Variants in MYO3A observed in about 807,000 individuals in gnomAD.
MYO3A encodes the protein myosin IIIA.
A neutral mutation model predicts 192.7 loss-of-function variants in MYO3A; 180 were observed. That is an observed-to-expected ratio of 0.93 (90% CI 0.83 to 1.06). The LOEUF (loss-of-function observed/expected upper bound fraction) is 1.06, where lower values mean the gene tolerates loss of function less well. Among genes scored for constraint, MYO3A ranks in the 50% least tolerant of loss-of-function variants. The pLI, the probability that MYO3A is intolerant of heterozygous loss-of-function variation, is 0.00. For synonymous variants in MYO3A, 628 were observed against 645.3 expected (o/e 0.97, Z 0.41); for missense variants, 1,896 against 1,905.0 (o/e 1.00, Z 0.09).
At chr10:26,133,159 G>A (rs1589012760) in intron 20 of MYO3A, among the ~76,000 whole-genome samples, 1 of 152,176 alleles carries the variant, frequency 6.6e-6, no homozygotes, top group Non-Finnish European at 1.5e-5. Context: ...TCATATGTGT[G>A]CAAATGGTAA....
chr10:26,075,804 A>G (rs1243894257), intron 14 of MYO3A, among the ~76,000 whole-genome samples: 1 of 148,494 alleles, frequency 6.7e-6, no homozygotes, highest in Non-Finnish European at 1.5e-5. Flanking sequence ...TCTCATATAT[A>G]TGATATATAT....
chr10:26,161,679 A>G (rs1054870776), intron 26 of MYO3A, among the ~76,000 whole-genome samples: 1 of 152,198 alleles, frequency 6.6e-6, no homozygotes, highest in East Asian at 1.9e-4. Context: ...TCTACATTAT[A>G]TATGTGTTTA....
chr10:26,171,603 T>C (rs1842049983), intron 29 of MYO3A, among the ~76,000 whole-genome samples: 1 of 152,208 alleles, frequency 6.6e-6, no homozygotes, highest in South Asian at 2.1e-4. Context: ...TTTTGTGTAT[T>C]CTGAGACCTA....
intron 20 of MYO3A, among the ~76,000 whole-genome samples, chr10:26,143,208 G>A (rs1183129161): frequency 3.3e-5 from 5 of 152,074 alleles, no homozygotes; most frequent in Admixed American, 2.0e-4. Context: ...GTGTGTGCCT[G>A]TAATCCCAGC....
At chr10:26,161,128 G>T (rs1378001461) in intron 26 of MYO3A, among the ~76,000 whole-genome samples, 1 of 152,058 alleles carries the variant, frequency 6.6e-6, no homozygotes, top group African/African-American at 2.4e-5. Context: ...GAAATAAAAG[G>T]CTAAACCTTT....
chr10:25,999,208 A>G (rs1462408943), intron 6 of MYO3A, among the ~76,000 whole-genome samples: 3 of 152,118 alleles, frequency 2.0e-5, no homozygotes, highest in Non-Finnish European at 4.4e-5. Flanking sequence ...TTTATATGAT[A>G]TCTTTTTAAA....
At chr10:26,007,089 A>G (rs1841274688) in intron 6 of MYO3A, among the ~76,000 whole-genome samples, 1 of 148,364 alleles carries the variant, frequency 6.7e-6, no homozygotes, top group African/African-American at 2.6e-5. Context: ...ACGCAAATCA[A>G]TAAACGTAAT....
chr10:26,112,948 G>A (rs1049957197), intron 17 of MYO3A, among the ~76,000 whole-genome samples: 2 of 151,920 alleles, frequency 1.3e-5, no homozygotes, highest in East Asian at 1.9e-4. Context: ...ATTTTCGGGG[G>A]GTTTTTTGCA....
chr10:26,173,749 C>T lies in MYO3A; in HGVS notation c.3485C>T (p.Ser1162Phe). ...GCTCCAAATAATAAAGGAAGTGTAT[C>T]TGTAGTGAAGACTTCCACTTTCAAA... is the stretch of plus-strand genomic sequence containing the variant. The part of the protein sequence containing the change: ...ISAPNNKGSV[S>F]VVKTSTFKPE... The change falls in exon 30 of 35, where the codon TCT (serine) becomes TTT (phenylalanine). Residue 1162 changes from serine (S) to phenylalanine (F), a missense_variant. Ser to Phe is a radical substitution (Grantham distance 155). Coordinates refer to ENST00000642920, the MANE Select transcript of MYO3A (RefSeq NM_017433.5). 7.4e-6 allele frequency: 12 copies of T among 1,613,668 alleles called. No individual in the cohort carries two copies. Among genetic ancestry groups the T allele is most frequent in the Non-Finnish European group, 1.0e-5 (12 of 1,179,598 alleles).
intron 31 of MYO3A, among the ~76,000 whole-genome samples, chr10:26,185,685 CT>C (rs1344804181): frequency 1.3e-5 from 2 of 151,854 alleles, no homozygotes; most frequent in African/African-American, 2.4e-5. Context: ...TTCTTTTTCT[CT>C]TTTTTTTCTG....
chr10:26,112,663 G>T (rs185539510), intron 17 of MYO3A, among the ~76,000 whole-genome samples: 1 of 152,128 alleles, frequency 6.6e-6, no homozygotes, highest in Admixed American at 6.6e-5. Flanking sequence ...CACCCCAAGT[G>T]TATGTGTCCC....
rs7900729 is a variant in MYO3A at position 25,967,230 on chromosome 10, T to C, written c.303+12222T>C. On this transcript the variant is annotated intron_variant, in intron 4 of 34. Coordinates refer to ENST00000642920, the MANE Select transcript of MYO3A (RefSeq NM_017433.5). ...TATGTAGAGTGTGACTTCAGGCAGT[T>C]TGGCAAAGAATAATTACCAGAGAAA... Among the ~76,000 whole-genome samples the C allele has an allele frequency of 7.6e-4, 116 of 152,360 alleles. 1 individual carries two copies. Among genetic ancestry groups the C allele is most frequent in the African/African-American group, 2.8e-3 (116 of 41,588 alleles).
chr10:25,998,517 G>A (rs1436759152), intron 6 of MYO3A, among the ~76,000 whole-genome samples: 2 of 152,080 alleles, frequency 1.3e-5, no homozygotes, highest in Admixed American at 1.3e-4. Context: ...AGAGCCTTGA[G>A]CAATCTGTCT....
chr10:26,131,770 T>C (rs1208933127), intron 20 of MYO3A, among the ~76,000 whole-genome samples: 1 of 152,246 alleles, frequency 6.6e-6, no homozygotes, highest in Non-Finnish European at 1.5e-5. Flanking sequence ...TATGTATATT[T>C]ATTTTAATGA....
intron 6 of MYO3A, among the ~76,000 whole-genome samples, chr10:26,008,782 A>T (rs143250884): frequency 0.084 from 12,489 of 149,094 alleles, 1,069 homozygotes; most frequent in African/African-American, 0.2. Context: ...TGTTGGTGGG[A>T]CTGTAGACTA....
chr10:25,954,728 G>T, intron 3 of MYO3A, 146 bp from the exon 4 acceptor site: 1 of 745,320 alleles, frequency 1.3e-6, no homozygotes, highest in Non-Finnish European at 2.2e-6. Flanking sequence ...TATGTAATGA[G>T]AAATTACAAT....
rs544470567 is a variant in MYO3A at position 26,093,281 on chromosome 10, G to A, written c.1563-3100G>A. Among the ~76,000 whole-genome samples the A allele has an allele frequency of 8.5e-5, 13 of 152,362 alleles. 1 individual carries two copies. In the South Asian group the frequency reaches 2.3e-3, roughly 27 times the overall value. On this transcript the variant is annotated intron_variant, in intron 15 of 34. Coordinates refer to ENST00000642920, the MANE Select transcript of MYO3A (RefSeq NM_017433.5). ...CACTTAACTGATACAATGTACATGAGTGAAGTGCACAGTCAGTGTGCTTCA... is the reference window on the plus strand; with the variant it reads ...CACTTAACTGATACAATGTACATGAATGAAGTGCACAGTCAGTGTGCTTCA...
rs1261542185 is a variant in MYO3A, at chr10:26,026,680, C to G, written c.953+148C>G. 5.5e-6 allele frequency: 5 copies of G among 916,868 alleles called. No individual in the cohort carries two copies. The African/African-American group carries it at 6.6e-5, about 12-fold the overall frequency. 56.8% of individuals were successfully genotyped at this position (916,868 alleles called of 1,614,324 possible). On this transcript the variant is annotated intron_variant, in intron 10 of 34. Coordinates refer to ENST00000642920, the MANE Select transcript of MYO3A (RefSeq NM_017433.5). The stretch of plus-strand genomic sequence containing the variant: ...GAATGTCACCTGTTGAAATGCCTCT[C>G]AATATTGGTAAAATTACAGGCAACA...
intron 4 of MYO3A, among the ~76,000 whole-genome samples, chr10:25,969,107 C>T (rs989024338): frequency 2.0e-5 from 3 of 152,034 alleles, no homozygotes; most frequent in South Asian, 2.1e-4. Context: ...GGTGAGGTGG[C>T]GTGCACCTGT....
Sources: gnomAD v4.1 joint callset for allele counts (sites outside exome capture counted in the v4.1 genomes callset) on GRCh38, gnomAD v4.1.1 for gene constraint, MANE v1.5 for transcripts, NCBI Gene and HGNC (gene_info 2026-07-23, HGNC 2026-07-21) for gene names.